TRPM6: variants seen among roughly 807,000 people sequenced by gnomAD.
The protein encoded by TRPM6 is channel kinase 2.
TRPM6 carries 111 observed loss-of-function variants against 247.6 expected under a neutral mutation model. The ratio of observed to expected loss-of-function variants is 0.45; its 90% CI spans 0.38 to 0.52. TRPM6 has a LOEUF of 0.52. Among genes scored for constraint, TRPM6 ranks in the 20% least tolerant of loss-of-function variants. The pLI, the probability that TRPM6 is intolerant of heterozygous loss-of-function variation, is 0.00. For synonymous variants in TRPM6, 892 were observed against 853.8 expected (o/e 1.04, Z -0.78); for missense variants, 2,126 against 2,421.5 (o/e 0.88, Z 2.56).
intron 3 of TRPM6, among the ~76,000 whole-genome samples, chr9:74,846,121 C>A (rs1408675460): frequency 6.6e-6 from 1 of 152,236 alleles, no homozygotes; most frequent in African/African-American, 2.4e-5. Context: ...ACAGTTCCTA[C>A]TGTGACTTTC....
intron 16 of TRPM6, among the ~76,000 whole-genome samples, chr9:74,800,902 GTGT>G (rs892771500): frequency 8.7e-5 from 11 of 127,026 alleles, no homozygotes; most frequent in East Asian, 2.4e-4. Flanking sequence ...CTAATAAAGT[GTGT>G]TTTTTTTTTT....
At chr9:74,867,978 C>A (rs1830905274) in intron 1 of TRPM6, among the ~76,000 whole-genome samples, 1 of 151,300 alleles carries the variant, frequency 6.6e-6, no homozygotes, top group Admixed American at 6.6e-5. Flanking sequence ...CATGGCGAAA[C>A]CCCAACTCTA....
chr9:74,763,357 A>G (rs1236499060), intron 25 of TRPM6, among the ~76,000 whole-genome samples: 2 of 152,200 alleles, frequency 1.3e-5, no homozygotes, highest in East Asian at 3.8e-4. Context: ...GGAAAAACTT[A>G]CATATCTACA....
At chr9:74,829,671 G>A (rs370402317) in intron 6 of TRPM6, among the ~76,000 whole-genome samples, 9 of 152,188 alleles carry the variant, frequency 5.9e-5, no homozygotes, top group African/African-American at 4.8e-5. Flanking sequence ...TTATAATTTC[G>A]AAGCATGACA....
rs531953178 is a variant in TRPM6 at position 74,839,066 on chromosome 9, C to G, written c.544+958G>C. Among the ~76,000 whole-genome samples, 21 of 147,356 alleles carry G rather than the reference C, an allele frequency of 1.4e-4. No individual in the cohort carries two copies. In the East Asian group the frequency reaches 2.2e-3, roughly 15 times the overall value. On this transcript the variant is annotated intron_variant, in intron 5 of 38. Coordinates refer to ENST00000360774, the MANE Select transcript of TRPM6 (RefSeq NM_017662.5). ...CGGAGATCGCAGTGAGCCAAGACTGCACCATTGCACTCCAGCCTGGGTGAC... is the reference window on the plus strand; with the variant it reads ...CGGAGATCGCAGTGAGCCAAGACTGGACCATTGCACTCCAGCCTGGGTGAC...
chr9:74,790,995 T>TTA, intron 19 of TRPM6, among the ~76,000 whole-genome samples: 1 of 152,316 alleles, frequency 6.6e-6, no homozygotes, highest in South Asian at 2.1e-4. Context: ...TGACTCTATT[T>TTA]GTTTCTTTCC....
At chr9:74,810,137 A>G (rs1828677619) in intron 13 of TRPM6, among the ~76,000 whole-genome samples, 1 of 152,230 alleles carries the variant, frequency 6.6e-6, no homozygotes, top group South Asian at 2.1e-4. Context: ...TTTTAACCAT[A>G]GTGACAAATA....
In TRPM6 at chr9:74,747,922, A is replaced by G. The variant is rs754320901; in HGVS notation, c.5058-8T>C. On this transcript the variant is annotated splice_region_variant and splice_polypyrimidine_tract_variant and intron_variant, in intron 30 of 38. Coordinates refer to ENST00000360774, the MANE Select transcript of TRPM6 (RefSeq NM_017662.5). ...CCAATTGAACTTTTCAGCCTGTTTG[A>G]AAAAAAAATGAAGTTGTTTAGATAA... is the stretch of plus-strand genomic sequence containing the variant. The G allele has an allele frequency of 5.1e-6, 8 of 1,581,656 alleles. No individual in the cohort carries two copies. The highest frequency in any genetic ancestry group is 6.9e-6 in the Non-Finnish European group (8 of 1,156,098).
chr9:74,802,458 T>C (rs1193885068), intron 15 of TRPM6, among the ~76,000 whole-genome samples: 1 of 152,120 alleles, frequency 6.6e-6, no homozygotes, highest in African/African-American at 2.4e-5. Context: ...GAGTGCTTAA[T>C]TGAATTTGAA....
intron 1 of TRPM6, among the ~76,000 whole-genome samples, chr9:74,883,794 C>T (rs1222352867): frequency 1.3e-5 from 2 of 152,144 alleles, no homozygotes; most frequent in African/African-American, 2.4e-5. Context: ...CCTTTGAGCT[C>T]AGGAGTTCAA....
Position 74,762,590 on chromosome 9 carries a change from C to G in TRPM6, c.4081G>C (p.Val1361Leu). 1 of 1,614,212 alleles carries G rather than the reference C, an allele frequency of 6.2e-7. No homozygotes were observed. The part of the protein sequence containing the change: ...LKRVPFSAET[V>L]LPLSRPSVPD... ...ACAGAGGGTCTGGACAGAGGCAAGA[C>G]AGTTTCTGCTGAAAAAGGAACTCGC... The change falls in exon 26 of 39, where the codon GTC becomes CTC. Residue 1361 changes from valine (V) to leucine (L), a missense_variant. Transcript: ENST00000360774.
chr9:74,774,827 C>G (rs1280098753), intron 24 of TRPM6, among the ~76,000 whole-genome samples: 2 of 152,194 alleles, frequency 1.3e-5, no homozygotes, highest in Non-Finnish European at 2.9e-5. Context: ...ATTCATACTA[C>G]AAGAAATAAA....
chr9:74,824,172 A>G (rs1420038536), intron 7 of TRPM6, among the ~76,000 whole-genome samples: 1 of 143,444 alleles, frequency 7.0e-6, no homozygotes, highest in African/African-American at 2.6e-5. Context: ...TTTTTTTTTT[A>G]TGGAGTCTCA....
intron 6 of TRPM6, among the ~76,000 whole-genome samples, chr9:74,831,202 G>A (rs2118097255): frequency 6.6e-6 from 1 of 152,130 alleles, no homozygotes; most frequent in Admixed American, 6.5e-5. Context: ...CTAATACTAT[G>A]TCTCACTGAC....
intron 1 of TRPM6, among the ~76,000 whole-genome samples, chr9:74,878,635 C>T (rs998497522): frequency 3.9e-5 from 6 of 152,154 alleles, no homozygotes; most frequent in African/African-American, 7.2e-5. Context: ...CAATCCCCCC[C>T]GTGCAAGCAA....
At chr9:74,887,524 ACC>A in intron 1 of TRPM6, 2 of 1,241,712 alleles carry the variant, frequency 1.6e-6, no homozygotes, top group Non-Finnish European at 2.3e-6. Context: ...CCCGAGCTGA[ACC>A]CCCGACCCCC....
Position 74,771,697 on chromosome 9 carries a change from T to G in TRPM6, c.3536+6A>C, listed in dbSNP as rs1587488467. On this transcript the variant is annotated splice_donor_region_variant and intron_variant, in intron 25 of 38. Transcript: ENST00000360774. ...TTTCAGAATGGAAAAGATTTATATC[T>G]TTTACCTTTCTGATGTCACTCGGAT... The G allele has an allele frequency of 4.3e-6, 7 of 1,613,236 alleles. No homozygotes were observed. The highest frequency in any genetic ancestry group is 5.9e-6 in the Non-Finnish European group (7 of 1,179,682).
intron 16 of TRPM6, among the ~76,000 whole-genome samples, chr9:74,801,086 AGACATTGTCAT>A (rs1364605855): frequency 4.0e-5 from 6 of 151,772 alleles, no homozygotes; most frequent in Non-Finnish European, 7.4e-5. Flanking sequence ...TCTGAAAGGT[AGACATTGTCAT>A]GCTCTGGAAT....
chr9:74,764,372 A>T (rs1353335015), intron 25 of TRPM6, among the ~76,000 whole-genome samples: 1 of 152,172 alleles, frequency 6.6e-6, no homozygotes, highest in Non-Finnish European at 1.5e-5. Flanking sequence ...TGTCCTTATA[A>T]TGTGAAATCC....
Sources: allele counts gnomAD v4.1 joint callset (sites outside exome capture counted in the v4.1 genomes callset), GRCh38; gene constraint gnomAD v4.1.1; transcripts MANE v1.5; gene names NCBI Gene and HGNC (gene_info 2026-07-23, HGNC 2026-07-21).